Variants in WDFY4 observed in about 807,000 individuals in gnomAD.
The protein encoded by WDFY4 is WDFY family member 4.
WDFY4 carries 169 observed loss-of-function variants against 351.9 expected under a neutral mutation model. The ratio of observed to expected loss-of-function variants is 0.48; its 90% CI spans 0.42 to 0.55. The LOEUF is 0.55. Among genes scored for constraint, WDFY4 ranks in the 20% least tolerant of loss-of-function variants. The pLI is 0.00. For missense variants in WDFY4, 3,803 were observed against 3,935.6 expected (o/e 0.97, Z 0.90); for synonymous variants, 1,622 against 1,574.6 (o/e 1.03, Z -0.71).
rs937773952 is a variant in WDFY4, at chr10:48,709,933, G to A, written c.201G>A (p.Lys67=). Reference sequence around the variant, plus strand: ...ACAAGAGCCCCATTGAGCGTCAGAAGAGCCTGTTGAGTCTTCTCCCCCTAT... The same window carrying A: ...ACAAGAGCCCCATTGAGCGTCAGAAAAGCCTGTTGAGTCTTCTCCCCCTAT... ...LTHKSPIERQ[K]SLLSLLPLFL... The change falls in exon 2 of 62, where the codon AAG becomes AAA. Residue 67 remains lysine, a synonymous_variant. Coordinates refer to ENST00000325239, the MANE Select transcript of WDFY4 (RefSeq NM_001394531.1). 6 of 1,552,188 alleles carry A rather than the reference G, an allele frequency of 3.9e-6. No homozygotes were observed. The highest frequency in any genetic ancestry group is 3.9e-5 in the Admixed American group (2 of 51,010).
chr10:48,859,711 C>T (rs2069268149), intron 39 of WDFY4, among the ~76,000 whole-genome samples: 1 of 152,074 alleles, frequency 6.6e-6, no homozygotes, highest in South Asian at 2.1e-4. Flanking sequence ...TATTGTTAGC[C>T]TCATAAAACT....
At chr10:48,900,904 G>C (rs573712082) in intron 46 of WDFY4, among the ~76,000 whole-genome samples, 2 of 152,300 alleles carry the variant, frequency 1.3e-5, no homozygotes, top group East Asian at 1.9e-4. Flanking sequence ...AATCTAGAAA[G>C]AACAGAAAGG....
intron 38 of WDFY4, among the ~76,000 whole-genome samples, chr10:48,832,320 A>C (rs545191511): frequency 2.6e-5 from 4 of 152,356 alleles, no homozygotes; most frequent in African/African-American, 9.6e-5. Flanking sequence ...TCTGCTCAAC[A>C]TCTCATTGTG....
At chr10:48,947,608 G>A (rs1004176476) in intron 51 of WDFY4, among the ~76,000 whole-genome samples, 2 of 152,142 alleles carry the variant, frequency 1.3e-5, no homozygotes, top group African/African-American at 4.8e-5. Context: ...TCCAAGTGTT[G>A]CCAGGTTGGT....
chr10:48,975,582 G>A (rs1206214539), intron 58 of WDFY4, among the ~76,000 whole-genome samples: 5 of 152,156 alleles, frequency 3.3e-5, no homozygotes, highest in Non-Finnish European at 7.3e-5. Flanking sequence ...TAAATAAAAT[G>A]GGCAGAGGGC....
chr10:48,952,367 A>G (rs1841369007), intron 51 of WDFY4, among the ~76,000 whole-genome samples: 1 of 152,192 alleles, frequency 6.6e-6, no homozygotes, highest in African/African-American at 2.4e-5. Context: ...CTCTGATTAC[A>G]GTGAAAGGGC....
intron 39 of WDFY4, among the ~76,000 whole-genome samples, chr10:48,834,970 A>C (rs1173423525): frequency 6.6e-6 from 1 of 152,176 alleles, no homozygotes; most frequent in Non-Finnish European, 1.5e-5. Context: ...GCTCACATTG[A>C]GAGATCTGGG....
intron 13 of WDFY4, among the ~76,000 whole-genome samples, chr10:48,763,532 A>G (rs987868355): frequency 2.6e-5 from 4 of 152,234 alleles, no homozygotes; most frequent in Admixed American, 1.3e-4. Flanking sequence ...ATTCTGCAAA[A>G]ATCCACTGCG....
chr10:48,772,543 C>CTT (rs370554273), intron 13 of WDFY4, among the ~76,000 whole-genome samples: 13 of 82,980 alleles, frequency 1.6e-4, no homozygotes, highest in African/African-American at 5.4e-4. Flanking sequence ...TTTGCATTTT[C>CTT]TTTTTTTTTT....
chr10:48,728,113 C>G (rs2132318866), intron 7 of WDFY4, among the ~76,000 whole-genome samples: 1 of 152,360 alleles, frequency 6.6e-6, no homozygotes, highest in Middle Eastern at 3.4e-3. Context: ...CAGAGCTCCC[C>G]AGAAGGATTA....
At chr10:48,800,257 C>T (rs11101500) in intron 24 of WDFY4, among the ~76,000 whole-genome samples, 10,997 of 152,256 alleles carry the variant, frequency 0.072, 693 homozygotes, top group Middle Eastern at 0.16. Flanking sequence ...AAAAACCAGA[C>T]AGTTAAAATA....
At chr10:48,820,074 A>G (rs2067763629) in intron 32 of WDFY4, among the ~76,000 whole-genome samples, 160 bp from the exon 33 acceptor site, 1 of 152,130 alleles carries the variant, frequency 6.6e-6, no homozygotes, top group African/African-American at 2.4e-5. Flanking sequence ...CCACTTTATG[A>G]GCAGCTGGAT....
At chr10:48,722,264 C>T (rs2064115494) in intron 4 of WDFY4, among the ~76,000 whole-genome samples, 1 of 152,198 alleles carries the variant, frequency 6.6e-6, no homozygotes, top group Non-Finnish European at 1.5e-5. Context: ...GGCACAGCGA[C>T]CTGAAGCACA....
Position 48,790,885 on chromosome 10 carries a change from G to A in WDFY4, c.4225G>A (p.Asp1409Asn). 1.3e-6 allele frequency: 2 copies of A among 1,551,756 alleles called. No individual in the cohort carries two copies. The highest frequency in any genetic ancestry group is 1.7e-6 in the Non-Finnish European group (2 of 1,147,004). The change falls in exon 23 of 62, where the codon GAC becomes AAC. Residue 1409 changes from aspartate to asparagine, a missense_variant. Asp to Asn is a conservative substitution (Grantham distance 23). This residue lies in a region of WDFY4 where 3,054 missense variants were observed against 3,148.6 expected (regional missense o/e 0.97). Transcript: ENST00000325239. ...GGTCCTGACCAGTAATGCCATGTGT[G>A]ACTTCCTGATGCAACACATCTGTGG... ...HSVLTSNAMC[D>N]FLMQHICGYQ...
At chr10:48,786,231 A>G (rs1360386663) in intron 19 of WDFY4, among the ~76,000 whole-genome samples, 4 of 152,192 alleles carry the variant, frequency 2.6e-5, no homozygotes, top group African/African-American at 9.6e-5. Context: ...GGATATTAAA[A>G]AAAATTCCTT....
chr10:48,866,421 G>C (rs2069545420), intron 39 of WDFY4, among the ~76,000 whole-genome samples: 1 of 151,994 alleles, frequency 6.6e-6, no homozygotes, highest in African/African-American at 2.4e-5. Flanking sequence ...TTCAAATTTT[G>C]TTCCGTTGTG....
At chr10:48,837,802 A>T (rs765465233) in intron 39 of WDFY4, among the ~76,000 whole-genome samples, 3 of 152,140 alleles carry the variant, frequency 2.0e-5, no homozygotes, top group Non-Finnish European at 4.4e-5. Context: ...GTGTACATAG[A>T]GCATAAGCTG....
At chr10:48,906,219 T>C (rs1837609549) in intron 47 of WDFY4, among the ~76,000 whole-genome samples, 1 of 152,212 alleles carries the variant, frequency 6.6e-6, no homozygotes, top group African/African-American at 2.4e-5. Flanking sequence ...CCCATGACAC[T>C]TGGCCTAGGC....
chr10:48,971,314 G>A (rs2131839790), intron 57 of WDFY4, among the ~76,000 whole-genome samples: 1 of 152,252 alleles, frequency 6.6e-6, no homozygotes, highest in Middle Eastern at 3.4e-3. Context: ...GGCTAATACG[G>A]TGAAACTCTG....
Sources: gnomAD v4.1 joint callset for allele counts (sites outside exome capture counted in the v4.1 genomes callset) on GRCh38, gnomAD v4.1.1 for gene constraint, gnomAD v4.1.1 regional missense constraint, MANE v1.5 for transcripts, NCBI Gene and HGNC (gene_info 2026-07-23, HGNC 2026-07-21) for gene names.